ABTB1: variants seen among roughly 807,000 people sequenced by gnomAD.
ABTB1 encodes ankyrin repeat and BTB domain containing 1.
ABTB1 carries 45 observed loss-of-function variants against 57.1 expected under a neutral mutation model. The observed-to-expected ratio is 0.79, with a 90% CI of 0.62 to 1.01. The LOEUF is 1.01. ABTB1 is among the 50% of genes least tolerant of loss of function. ABTB1 has a pLI of 0.00. For synonymous variants in ABTB1, 302 were observed against 275.4 expected (o/e 1.10, Z -0.95); for missense variants, 630 against 666.3 (o/e 0.95, Z 0.60).
At chr3:127,675,278 T>TTG (rs1340698466) in intron 3 of ABTB1, among the ~76,000 whole-genome samples, 1 of 146,862 alleles carries the variant, frequency 6.8e-6, no homozygotes, top group African/African-American at 2.5e-5. Context: ...TTTTTTTTTT[T>TTG]TTTTTTGGAG....
chr3:127,675,935 C>G (rs2074970514), intron 3 of ABTB1, 35 bp from the exon 4 acceptor site: 1 of 1,590,626 alleles, frequency 6.3e-7, no homozygotes, highest in Non-Finnish European at 8.6e-7. Context: ...CCCCAGGCCC[C>G]TTCCCTGCTA....
At chr3:127,674,361 G>T in intron 1 of ABTB1, 30 bp from the exon 2 acceptor site, 1 of 1,592,482 alleles carries the variant, frequency 6.3e-7, no homozygotes, top group South Asian at 1.1e-5. Context: ...AACCCGTCCT[G>T]ACCCAGGCTC....
At position 127,673,019 on chromosome 3, in the gene ABTB1, C is replaced by G; in HGVS notation, c.-7C>G. 8 of 1,565,358 alleles carry G rather than the reference C, an allele frequency of 5.1e-6. No individual in the cohort carries two copies. Among genetic ancestry groups the G allele is most frequent in the Non-Finnish European group, 6.9e-6 (8 of 1,155,874 alleles). ...GGTCGTTCGGCTCGGGTACCATCCTCCGCGCCATGGACACCAGCGACCTGT... is the reference window on the plus strand; with the variant it reads ...GGTCGTTCGGCTCGGGTACCATCCTGCGCGCCATGGACACCAGCGACCTGT... On this transcript the variant is annotated 5_prime_UTR_variant, in exon 1 of 12. Coordinates refer to ENST00000232744, the MANE Select transcript of ABTB1 (RefSeq NM_172027.3).
At position 127,676,381 on chromosome 3, in the gene ABTB1, C is replaced by T. The variant is rs2074984067; in HGVS notation, c.430C>T (p.Leu144=). 1 of 1,614,166 alleles carries T rather than the reference C, an allele frequency of 6.2e-7. No homozygotes were observed. Among genetic ancestry groups the T allele is most frequent in the Non-Finnish European group, 8.5e-7 (1 of 1,180,002 alleles). The part of the protein sequence containing the change: ...GARSAYFANM[L]DTKWKGKSVV... ...ACGTAGTGCCTACTTTGCCAACATG[C>T]TGGACACCAAATGGAAGGGCAAGAG... Residue 144 remains leucine (L), a synonymous_variant, in exon 5 of 12, where the codon CTG becomes TTG. Coordinates refer to ENST00000232744, the MANE Select transcript of ABTB1 (RefSeq NM_172027.3). The surrounding 1 kb of genome is among the most constrained non-coding windows in gnomAD (Gnocchi z 5.4).
rs760268754 is a variant in ABTB1 at position 127,677,756 on chromosome 3, AG to A, written c.947del (p.Gly316AlafsTer38). ...FRESEEPATSGGPPAVTLHGI... is the reference protein window; with the variant it reads ...FRESEEPATSXGPPAVTLHGI... ...GAGAGAGCGAGGAGCCAGCGACCTC[AG>A]GGGGCCCCCCAGCCGTCACCCTGCA... On this transcript the variant is annotated frameshift_variant, in exon 10 of 12. Coordinates refer to ENST00000232744, the MANE Select transcript of ABTB1 (RefSeq NM_172027.3). LOFTEE classifies it high-confidence loss of function. The A allele has an allele frequency of 6.8e-6, 11 of 1,611,600 alleles. No individual in the cohort carries two copies. The Admixed American group carries it at 1.8e-4, about 27-fold the overall frequency.
chr3:127,675,321 G>A (rs1367508814), intron 3 of ABTB1, among the ~76,000 whole-genome samples: 6 of 142,400 alleles, frequency 4.2e-5, no homozygotes, highest in Admixed American at 7.2e-5. Flanking sequence ...AGGCTGGAGT[G>A]TAGTAGTGTG....
chr3:127,679,815 C>A, intron 10 of ABTB1, 170 bp from the exon 11 acceptor site: 4 of 460,932 alleles, frequency 8.7e-6, no homozygotes, highest in South Asian at 1.9e-5. Flanking sequence ...CTGTGGGAAT[C>A]TGGGCCAGCC....
At chr3:127,675,068 A>G (rs1330672792) in intron 3 of ABTB1, among the ~76,000 whole-genome samples, 1 of 151,880 alleles carries the variant, frequency 6.6e-6, no homozygotes, top group African/African-American at 2.4e-5. Flanking sequence ...CTGGGGCTCC[A>G]CTGTGCTATG....
At chr3:127,673,212 C>T (rs926015449) in intron 1 of ABTB1, 131 bp downstream of exon 1, 90 of 1,027,184 alleles carry the variant, frequency 8.8e-5, no homozygotes, top group Non-Finnish European at 1.1e-4. Context: ...TCGGAGCGCC[C>T]CCGCGGGGCA....
At position 127,680,832 on chromosome 3, in the gene ABTB1, C is replaced by A; in HGVS notation, c.*357C>A. The A allele has an allele frequency of 1.6e-6, 1 of 632,228 alleles. No individual in the cohort carries two copies. The highest frequency in any genetic ancestry group is 2.8e-6 in the Non-Finnish European group (1 of 356,104). 39.2% of individuals were successfully genotyped at this position (632,228 alleles called of 1,614,324 possible). A position where few individuals can be genotyped will look rare whatever the true frequency, so the allele number is the denominator to read the frequency against. On this transcript the variant is annotated 3_prime_UTR_variant, in exon 12 of 12. Coordinates refer to ENST00000232744, the MANE Select transcript of ABTB1 (RefSeq NM_172027.3). ...CTGGCCCTTGCCTAGCCCTGAATTGCTTCTCTAAGCTGGTGTTCCCATGCA... is the reference window on the plus strand; with the variant it reads ...CTGGCCCTTGCCTAGCCCTGAATTGATTCTCTAAGCTGGTGTTCCCATGCA...
At position 127,676,258 on chromosome 3, in the gene ABTB1, T is replaced by C. The variant is rs765252899; in HGVS notation, c.321-14T>C. Reference sequence around the variant, plus strand: ...TGTGCCAAGTATCCTCCCTCCTGGCTTGTCCCTCCCCAGGCTTCTAGAGCA... The same window carrying C: ...TGTGCCAAGTATCCTCCCTCCTGGCCTGTCCCTCCCCAGGCTTCTAGAGCA... On this transcript the variant is annotated splice_polypyrimidine_tract_variant and intron_variant, in intron 4 of 11. Transcript: ENST00000232744. This position sits in a 1 kb window ranked among gnomAD's most constrained non-coding sequence, Gnocchi z 5.4. 6.2e-6 allele frequency: 10 copies of C among 1,610,972 alleles called. No individual in the cohort carries two copies. Among genetic ancestry groups the C allele is most frequent in the Admixed American group, 1.7e-5 (1 of 59,924 alleles).
rs746324247 is a variant in ABTB1, at chr3:127,674,375, C to G, written c.57-16C>G. Reference sequence around the variant, plus strand: ...GAACCCGTCCTGACCCAGGCTCTGACCTCCTTCCTGCCCAGGTACCTGCTG... The same window carrying G: ...GAACCCGTCCTGACCCAGGCTCTGAGCTCCTTCCTGCCCAGGTACCTGCTG... On this transcript the variant is annotated splice_polypyrimidine_tract_variant and intron_variant, in intron 1 of 11. Transcript: ENST00000232744. 6.2e-7 allele frequency: 1 copy of G among 1,602,302 alleles called. No homozygotes were observed. The highest frequency in any genetic ancestry group is 1.1e-5 in the South Asian group (1 of 89,044).
chr3:127,674,379 C>T lies in ABTB1; in HGVS notation c.57-12C>T. The T allele has an allele frequency of 3.7e-6, 6 of 1,603,786 alleles. No individual in the cohort carries two copies. Among genetic ancestry groups the T allele is most frequent in the Non-Finnish European group, 5.1e-6 (6 of 1,176,164 alleles). ...CCGTCCTGACCCAGGCTCTGACCTC[C>T]TTCCTGCCCAGGTACCTGCTGGAGC... On this transcript the variant is annotated splice_polypyrimidine_tract_variant and intron_variant, in intron 1 of 11. Coordinates refer to ENST00000232744, the MANE Select transcript of ABTB1 (RefSeq NM_172027.3).
Position 127,680,285 on chromosome 3 carries a change from A to T in ABTB1, c.1247A>T (p.Asp416Val), listed in dbSNP as rs993765944. Residue 416 changes from aspartate to valine, a missense_variant, in exon 12 of 12, where the codon GAC becomes GTC. This residue lies in a region of ABTB1 where 579 missense variants were observed against 585.9 expected (regional missense o/e 0.99). Transcript: ENST00000232744. ...KVIEKLVERE[D>V]FVEAVKEEAA... ...CGCTCATAGCTGGTGGAGCGGGAGG[A>T]CTTCGTGGAGGCGGTGAAGGAGGAG... 9.3e-6 allele frequency: 15 copies of T among 1,613,200 alleles called. No homozygotes were observed. The highest frequency in any genetic ancestry group is 1.3e-5 in the Non-Finnish European group (15 of 1,179,792).
chr3:127,680,573 A>T lies in ABTB1; in HGVS notation c.*98A>T, dbSNP rs2075109691. ...TCTTCTTCCTGCTCCCTGCACATTG[A>T]GGGCTTCATGGGGGGTGCGAGGGGC... On this transcript the variant is annotated 3_prime_UTR_variant, in exon 12 of 12. Transcript: ENST00000232744. 6.9e-7 allele frequency: 1 copy of T among 1,453,340 alleles called. No homozygotes were observed. Among genetic ancestry groups the T allele is most frequent in the East Asian group, 2.3e-5 (1 of 44,122 alleles). 90.0% of individuals were successfully genotyped at this position (1,453,340 alleles called of 1,614,324 possible). A position where few individuals can be genotyped will look rare whatever the true frequency, so the allele number is the denominator to read the frequency against.
Position 127,680,518 on chromosome 3 carries a change from G to A in ABTB1, c.*43G>A, listed in dbSNP as rs765880913. On this transcript the variant is annotated 3_prime_UTR_variant, in exon 12 of 12. Coordinates refer to ENST00000232744, the MANE Select transcript of ABTB1 (RefSeq NM_172027.3). ...CCCAGGGGCCAGGAGCTCTCTTGGA[G>A]ACAAGCATGTGTATGCGTTTGTGTG... 2 of 1,590,782 alleles carry A rather than the reference G, an allele frequency of 1.3e-6. No individual in the cohort carries two copies. Among genetic ancestry groups the A allele is most frequent in the African/African-American group, 1.3e-5 (1 of 74,860 alleles).
chr3:127,674,213 C>T, intron 1 of ABTB1, 178 bp from the exon 2 acceptor site: 1 of 710,144 alleles, frequency 1.4e-6, no homozygotes, highest in Non-Finnish European at 2.4e-6. Context: ...ACCTCCACAT[C>T]CTTGCCTGCA....
intron 1 of ABTB1, 41 bp downstream of exon 1, chr3:127,673,122 CGCCCTCGGAACGCCTCGG>C (rs758182628): frequency 2.1e-5 from 31 of 1,495,316 alleles, no homozygotes; most frequent in Non-Finnish European, 2.6e-5. Flanking sequence ...GGGAGGTGGC[CGCCCTCGGAACGCCTCGG>C]GCCCTGGGAC....
rs757123246 is a variant in ABTB1 at position 127,677,597 on chromosome 3, C to G, written c.861+34C>G. ...GCCCTCCTGTTGCCCCTGGCCCCAG[C>G]CCGTTGCCCTGAGCCCCCGTCTAGC... On this transcript the variant is annotated intron_variant, in intron 9 of 11. Coordinates refer to ENST00000232744, the MANE Select transcript of ABTB1 (RefSeq NM_172027.3). 5 of 1,613,504 alleles carry G rather than the reference C, an allele frequency of 3.1e-6. No homozygotes were observed. In the South Asian group the frequency reaches 5.5e-5, roughly 18 times the overall value.
Sources: allele counts gnomAD v4.1 joint callset (sites outside exome capture counted in the v4.1 genomes callset), GRCh38; gene constraint gnomAD v4.1.1; regional missense constraint gnomAD v4.1.1; non-coding constraint Gnocchi (gnomAD v3.1); transcripts MANE v1.5; gene names NCBI Gene and HGNC (gene_info 2026-07-23, HGNC 2026-07-21).